ABI1: variants seen among roughly 807,000 people sequenced by gnomAD.
ABI1 encodes the protein abl interactor 1.
Under a neutral mutation model 54.6 loss-of-function variants are expected in ABI1, and 14 were observed. That is an observed-to-expected ratio of 0.26 (90% CI 0.17 to 0.40). The LOEUF (loss-of-function observed/expected upper bound fraction) is 0.40. Ranked by LOEUF, ABI1 falls within the 10% of genes least tolerant of loss-of-function variation. The pLI, the probability that ABI1 is intolerant of heterozygous loss-of-function variation, is 1.00. For synonymous variants in ABI1, 194 were observed against 209.3 expected, an observed-to-expected ratio of 0.93 and a Z score of 0.63; for missense variants, 443 against 598.3, an observed-to-expected ratio of 0.74 and a Z score of 2.71.
intron 2 of ABI1, among the ~76,000 whole-genome samples, chr10:26,817,315 T>C (rs1313310015): frequency 6.6e-6 from 1 of 152,098 alleles, no homozygotes; most frequent in Non-Finnish European, 1.5e-5. Flanking sequence ...TTTAATTCAG[T>C]AAACACTGCA....
intron 6 of ABI1, 129 bp downstream of exon 6, chr10:26,768,723 C>A: frequency 9.8e-6 from 7 of 710,778 alleles, no homozygotes; most frequent in South Asian, 5.2e-5. Context: ...AATATTATTC[C>A]CCCAACTTTT....
intron 1 of ABI1, among the ~76,000 whole-genome samples, chr10:26,841,399 CTTT>C (rs34398117): frequency 0.24 from 33,259 of 140,214 alleles, 3,995 homozygotes; most frequent in African/African-American, 0.37. Context: ...ACATAGTTAC[CTTT>C]TTTTTTTTTT....
intron 9 of ABI1, among the ~76,000 whole-genome samples, chr10:26,752,772 G>C (rs1837797968): frequency 6.6e-6 from 1 of 152,092 alleles, no homozygotes. Context: ...CAATGAACTA[G>C]TATAATATCA....
At chr10:26,838,142 G>A (rs1293607630) in intron 1 of ABI1, among the ~76,000 whole-genome samples, 1 of 151,342 alleles carries the variant, frequency 6.6e-6, no homozygotes, top group East Asian at 1.9e-4. Context: ...TAATGCCTCA[G>A]CCTCCTGAGT....
At chr10:26,757,444 T>C (rs1443321893) in intron 8 of ABI1, among the ~76,000 whole-genome samples, 2 of 152,044 alleles carry the variant, frequency 1.3e-5, no homozygotes, top group African/African-American at 4.8e-5. Flanking sequence ...CAGAGTAAAT[T>C]AAATGTCTAA....
intron 2 of ABI1, among the ~76,000 whole-genome samples, chr10:26,809,792 G>A (rs1490510952): frequency 1.3e-5 from 2 of 152,092 alleles, no homozygotes; most frequent in Non-Finnish European, 2.9e-5. Context: ...AAGCCTGGTG[G>A]AGCTTGCCTG....
chr10:26,803,021 G>C (rs1035661954), intron 2 of ABI1, among the ~76,000 whole-genome samples: 10 of 152,112 alleles, frequency 6.6e-5, no homozygotes, highest in African/African-American at 2.4e-4. Flanking sequence ...GAAGTACTAG[G>C]AAAAATCAAA....
At chr10:26,753,602 A>T (rs1301661272) in intron 9 of ABI1, among the ~76,000 whole-genome samples, 1 of 152,230 alleles carries the variant, frequency 6.6e-6, no homozygotes, top group Non-Finnish European at 1.5e-5. Flanking sequence ...CTCATATCTT[A>T]AACTGAAATA....
chr10:26,769,137 C>A (rs749508406), intron 5 of ABI1, 145 bp from the exon 6 acceptor site: 29 of 600,412 alleles, frequency 4.8e-5, no homozygotes, highest in South Asian at 1.6e-4. Context: ...AAAAAATATT[C>A]TTCACTGGGA....
At chr10:26,829,504 G>GT (rs1206685836) in intron 1 of ABI1, among the ~76,000 whole-genome samples, 23 of 152,228 alleles carry the variant, frequency 1.5e-4, no homozygotes, top group African/African-American at 4.6e-4. Flanking sequence ...GTGAGGCAAT[G>GT]TATGTTAATT....
chr10:26,804,226 T>C (rs2046740561), intron 2 of ABI1, among the ~76,000 whole-genome samples: 1 of 151,720 alleles, frequency 6.6e-6, no homozygotes, highest in Non-Finnish European at 1.5e-5. Flanking sequence ...TTACTAAAAC[T>C]ACAAAAATTA....
At chr10:26,802,845 T>A (rs2046647509) in intron 2 of ABI1, among the ~76,000 whole-genome samples, 1 of 152,104 alleles carries the variant, frequency 6.6e-6, no homozygotes, top group South Asian at 2.1e-4. Flanking sequence ...TCTCACTGCT[T>A]CCAATCTACC....
At chr10:26,843,496 A>G (rs1209965796) in intron 1 of ABI1, among the ~76,000 whole-genome samples, 46 of 82,164 alleles carry the variant, frequency 5.6e-4, no homozygotes, top group African/African-American at 2.4e-3. Context: ...ATATATATAT[A>G]TATATATATA....
chr10:26,840,711 A>T (rs1168894880), intron 1 of ABI1, among the ~76,000 whole-genome samples: 11 of 152,242 alleles, frequency 7.2e-5, no homozygotes, highest in Non-Finnish European at 1.6e-4. Context: ...AAAAAATCTG[A>T]GATGTGAACA....
intron 1 of ABI1, among the ~76,000 whole-genome samples, chr10:26,837,270 G>A (rs1453856783): frequency 6.6e-6 from 1 of 152,164 alleles, no homozygotes; most frequent in African/African-American, 2.4e-5. Flanking sequence ...TTTCTTCTTG[G>A]CTTGCAGACA....
intron 1 of ABI1, among the ~76,000 whole-genome samples, chr10:26,852,213 C>A (rs938911606): frequency 6.6e-6 from 1 of 152,210 alleles, no homozygotes; most frequent in Admixed American, 6.5e-5. Context: ...AGCACGGTGG[C>A]TCACGCCTGT....
chr10:26,765,072 T>C (rs1341917189), intron 7 of ABI1, 146 bp downstream of exon 7: 2 of 612,224 alleles, frequency 3.3e-6, no homozygotes, highest in Admixed American at 7.2e-5. Flanking sequence ...CTAAAAATAT[T>C]GTTAACTTTG....
At chr10:26,851,748 G>C (rs550290652) in intron 1 of ABI1, among the ~76,000 whole-genome samples, 9 of 151,934 alleles carry the variant, frequency 5.9e-5, no homozygotes, top group African/African-American at 2.2e-4. Context: ...AAAAGGAGTA[G>C]AATAGGGTGA....
At position 26,751,467 on chromosome 10, in the gene ABI1, T is replaced by C. The variant is rs868829734; in HGVS notation, c.1270+131A>G. On this transcript the variant is annotated intron_variant, in intron 10 of 10. Transcript: ENST00000376140. Reference sequence around the variant, plus strand: ...ATAATACAAAACTTAGGAAGTAAGGTTTAAGTAAATCATCTTGGTTGGTAA... The same window carrying C: ...ATAATACAAAACTTAGGAAGTAAGGCTTAAGTAAATCATCTTGGTTGGTAA... 15 of 835,676 alleles carry C rather than the reference T, an allele frequency of 1.8e-5. No individual in the cohort carries two copies. The African/African-American group carries it at 2.5e-4, about 14-fold the overall frequency. 51.8% of individuals were successfully genotyped at this position (835,676 alleles called of 1,614,324 possible). A position where few individuals can be genotyped will look rare whatever the true frequency, so the allele number is the denominator to read the frequency against.
Sources: allele counts gnomAD v4.1 joint callset (sites outside exome capture counted in the v4.1 genomes callset), GRCh38; gene constraint gnomAD v4.1.1; transcripts MANE v1.5; gene names NCBI Gene and HGNC (gene_info 2026-07-23, HGNC 2026-07-21).